MBD5: variants seen among roughly 807,000 people sequenced by gnomAD.
The protein encoded by MBD5 is methyl-CpG binding domain protein 5, also known as methyl-CpG-binding domain protein 5.
Under a neutral mutation model 117.3 loss-of-function variants are expected in MBD5, and 13 were observed. The ratio of observed to expected loss-of-function variants is 0.11; its 90% confidence interval spans 0.07 to 0.18. MBD5 has a LOEUF of 0.18. Among genes scored for constraint, MBD5 ranks in the 10% least tolerant of loss-of-function variants. MBD5 has a pLI of 1.00. For missense variants in MBD5, 1,879 were observed against 2,093.8 expected, an observed-to-expected ratio of 0.90 and a Z score of 2.00; for synonymous variants, 727 against 766.4, an observed-to-expected ratio of 0.95 and a Z score of 0.85.
Position 148,411,148 on chromosome 2 carries a change from A to G in MBD5, c.-556-47055A>G, listed in dbSNP as rs529255383. Reference sequence around the variant, plus strand: ...TTCCTGCATTAGTTTGCTTAAGATAATGGCCTTGAGCTCTACCCATGTTGC... The same window carrying G: ...TTCCTGCATTAGTTTGCTTAAGATAGTGGCCTTGAGCTCTACCCATGTTGC... On this transcript the variant is annotated intron_variant, in intron 4 of 13. Coordinates refer to ENST00000642680, the MANE Select transcript of MBD5 (RefSeq NM_001378120.1). 2.0e-5 allele frequency among the ~76,000 whole-genome samples: 3 copies of G among 152,260 alleles called. No homozygotes were observed. In the East Asian group the frequency reaches 5.8e-4, roughly 29 times the overall value.
At chr2:148,296,961 G>A (rs1356021094) in intron 3 of MBD5, among the ~76,000 whole-genome samples, 4 of 136,622 alleles carry the variant, frequency 2.9e-5, no homozygotes, top group Non-Finnish European at 4.5e-5. Flanking sequence ...TGCAACCTCC[G>A]CATCCCAGGT....
At chr2:148,271,462 C>T (rs752608475) in intron 3 of MBD5, among the ~76,000 whole-genome samples, 11 of 152,110 alleles carry the variant, frequency 7.2e-5, no homozygotes, top group Non-Finnish European at 7.4e-5. Context: ...TCCATGTTTT[C>T]GTGCTCTCCT....
At chr2:148,361,725 T>G (rs1156692486) in intron 4 of MBD5, among the ~76,000 whole-genome samples, 1 of 152,214 alleles carries the variant, frequency 6.6e-6, no homozygotes, top group Non-Finnish European at 1.5e-5. Context: ...TGGTGGTGGC[T>G]GCCAAGATGG....
intron 3 of MBD5, among the ~76,000 whole-genome samples, chr2:148,266,532 A>G (rs1404785552): frequency 6.6e-6 from 1 of 152,120 alleles, no homozygotes; most frequent in African/African-American, 2.4e-5. Flanking sequence ...TACCCAATGC[A>G]GTAATAAAAA....
At chr2:148,373,554 A>T (rs13419981) in intron 4 of MBD5, among the ~76,000 whole-genome samples, 16,422 of 152,172 alleles carry the variant, frequency 0.11, 1,066 homozygotes, top group African/African-American at 0.16. Context: ...TTTCTAGAGC[A>T]TGCTATTCTA....
At chr2:148,512,842 TG>T (rs1682258376) in intron 13 of MBD5, 27 bp from the exon 14 acceptor site, 1 of 1,589,798 alleles carries the variant, frequency 6.3e-7, no homozygotes. Context: ...CTGTTGTTGT[TG>T]TTTTTTTTCT....
intron 3 of MBD5, among the ~76,000 whole-genome samples, chr2:148,314,192 A>C (rs945771234): frequency 6.6e-6 from 1 of 151,858 alleles, no homozygotes; most frequent in African/African-American, 2.4e-5. Context: ...ATAGATCAGC[A>C]TTTTATAAAC....
chr2:148,028,354 T>C (rs902219335), intron 1 of MBD5: 1 of 152,072 alleles, frequency 6.6e-6, no homozygotes, highest in Non-Finnish European at 1.5e-5. Context: ...ATTTTCTGTG[T>C]GGTGCTAATG....
At chr2:148,462,828 G>C in intron 6 of MBD5, 144 bp downstream of exon 6, 2 of 649,838 alleles carry the variant, frequency 3.1e-6, no homozygotes. Context: ...TTTTGCATGT[G>C]TTTTGGAATG....
intron 1 of MBD5, among the ~76,000 whole-genome samples, chr2:148,086,558 C>T (rs776413404): frequency 3.3e-5 from 5 of 152,114 alleles, no homozygotes; most frequent in Non-Finnish European, 7.4e-5. Flanking sequence ...GGCTCATCCC[C>T]AAACATAAAC....
intron 4 of MBD5, among the ~76,000 whole-genome samples, chr2:148,455,786 G>A (rs1416726637): frequency 8.6e-5 from 13 of 151,736 alleles, no homozygotes; most frequent in Admixed American, 6.6e-5. Context: ...CAAATAGAAA[G>A]CTGAAAAGTA....
chr2:148,197,787 A>G (rs992037395), intron 2 of MBD5, among the ~76,000 whole-genome samples: 5 of 125,684 alleles, frequency 4.0e-5, no homozygotes, highest in African/African-American at 1.2e-4. Flanking sequence ...GTGTCATAGC[A>G]TCTGAGGTTT....
At chr2:148,282,099 C>T (rs944735398) in intron 3 of MBD5, among the ~76,000 whole-genome samples, 7 of 151,992 alleles carry the variant, frequency 4.6e-5, no homozygotes, top group African/African-American at 1.7e-4. Context: ...TTCTGTTATA[C>T]TTTTTCAATA....
At chr2:148,250,340 T>C (rs920381955) in intron 3 of MBD5, among the ~76,000 whole-genome samples, 2 of 152,070 alleles carry the variant, frequency 1.3e-5, no homozygotes, top group Admixed American at 1.3e-4. Flanking sequence ...AGGGAGAGGA[T>C]CAGAAAAAAT....
chr2:148,103,850 T>C (rs1352634630), intron 1 of MBD5, among the ~76,000 whole-genome samples: 1 of 152,188 alleles, frequency 6.6e-6, no homozygotes, highest in Non-Finnish European at 1.5e-5. Flanking sequence ...ATAATTCATA[T>C]TATTAAAACT....
chr2:148,220,859 A>G (rs1699670339), intron 2 of MBD5, among the ~76,000 whole-genome samples: 2 of 152,122 alleles, frequency 1.3e-5, no homozygotes, highest in Non-Finnish European at 2.9e-5. Flanking sequence ...TTGTGCTATC[A>G]AATACTAGGA....
chr2:148,082,097 G>A (rs972231083), intron 1 of MBD5, among the ~76,000 whole-genome samples: 1 of 151,926 alleles, frequency 6.6e-6, no homozygotes, highest in Non-Finnish European at 1.5e-5. Context: ...GAAATACTTC[G>A]CACTTCATAT....
intron 4 of MBD5, among the ~76,000 whole-genome samples, chr2:148,345,350 T>C (rs1703067460): frequency 6.8e-6 from 1 of 147,946 alleles, no homozygotes; most frequent in Admixed American, 6.8e-5. Flanking sequence ...CATATACATA[T>C]ACACATATAC....
intron 4 of MBD5, among the ~76,000 whole-genome samples, chr2:148,422,559 G>T (rs913110350): frequency 6.6e-6 from 1 of 152,102 alleles, no homozygotes; most frequent in African/African-American, 2.4e-5. Context: ...CACCAGCAAG[G>T]GAACAGAACT....
Sources: gnomAD v4.1 joint callset for allele counts (sites outside exome capture counted in the v4.1 genomes callset) on GRCh38, gnomAD v4.1.1 for gene constraint, MANE v1.5 for transcripts, NCBI Gene and HGNC (gene_info 2026-07-23, HGNC 2026-07-21) for gene names.